The following ZMIZ1 variants were observed in gnomAD, a reference collection of about 807,000 sequenced individuals.
ZMIZ1 encodes zinc finger MIZ-type containing 1, also known as zinc finger MIZ domain-containing protein 1.
ZMIZ1 carries 17 observed loss-of-function variants against 113.9 expected under a neutral mutation model. That is an observed-to-expected ratio of 0.15 (90% CI 0.10 to 0.22). The LOEUF is 0.22. Among genes scored for constraint, ZMIZ1 ranks in the 10% least tolerant of loss-of-function variants. The pLI, the probability that ZMIZ1 is intolerant of heterozygous loss-of-function variation, is 1.00. For missense variants in ZMIZ1, 1,059 were observed against 1,477.8 expected (o/e 0.72, Z 4.65); for synonymous variants, 607 against 603.1 (o/e 1.01, Z -0.09).
chr10:79,112,680 C>T (rs1045833987), intron 1 of ZMIZ1, among the ~76,000 whole-genome samples: 11 of 152,278 alleles, frequency 7.2e-5, no homozygotes, highest in African/African-American at 1.9e-4. Flanking sequence ...GCTGATTGCA[C>T]ATATATCCCA....
chr10:79,278,967 G>T (rs892109522), intron 8 of ZMIZ1, among the ~76,000 whole-genome samples: 1 of 152,264 alleles, frequency 6.6e-6, no homozygotes, highest in South Asian at 2.1e-4. Context: ...CTCCCAGACA[G>T]GGTGGTGGCG....
At chr10:79,172,644 G>T (rs969089685) in intron 4 of ZMIZ1, among the ~76,000 whole-genome samples, 1 of 152,136 alleles carries the variant, frequency 6.6e-6, no homozygotes, top group African/African-American at 2.4e-5. Context: ...CTGGCCTTTG[G>T]TTGGCCTCTC....
rs534513543 is a variant in ZMIZ1, at chr10:79,189,838, T to C, written c.-49-11746T>C. Among the ~76,000 whole-genome samples, 8 of 152,284 alleles carry C rather than the reference T, an allele frequency of 5.3e-5. No homozygotes were observed. In the East Asian group the frequency reaches 1.5e-3, roughly 29 times the overall value. ...GCGTGTTTTCGGATTGCCTGTGGGGTGTCCAGCGTGTGCTTGGAGGGTTTC... is the reference window on the plus strand; with the variant it reads ...GCGTGTTTTCGGATTGCCTGTGGGGCGTCCAGCGTGTGCTTGGAGGGTTTC... On this transcript the variant is annotated intron_variant, in intron 4 of 24. Coordinates refer to ENST00000334512, the MANE Select transcript of ZMIZ1 (RefSeq NM_020338.4).
At chr10:79,153,525 T>C (rs566426470) in intron 3 of ZMIZ1, among the ~76,000 whole-genome samples, 6 of 152,354 alleles carry the variant, frequency 3.9e-5, no homozygotes, top group African/African-American at 1.4e-4. Flanking sequence ...TCATCCCCTT[T>C]CTTCCCTGGC....
intron 20 of ZMIZ1, 83 bp from the exon 21 acceptor site, chr10:79,305,450 C>T (rs1004690344): frequency 1.4e-6 from 2 of 1,474,672 alleles, no homozygotes; most frequent in Admixed American, 3.3e-5. Flanking sequence ...GGGTGGGACC[C>T]CACTGACACT....
intron 1 of ZMIZ1, among the ~76,000 whole-genome samples, chr10:79,111,434 G>A (rs1843733360): frequency 6.6e-6 from 1 of 152,224 alleles, no homozygotes; most frequent in Admixed American, 6.5e-5. Flanking sequence ...GGGGAAAGGT[G>A]TACCCTCTCC....
At chr10:79,290,882 CCCT>C in intron 9 of ZMIZ1, 74 bp from the exon 10 acceptor site, 1 of 1,536,712 alleles carries the variant, frequency 6.5e-7, no homozygotes, top group Non-Finnish European at 9.0e-7. Context: ...TCTCCCTTTC[CCCT>C]CTTCATTTAT....
chr10:79,173,544 A>G (rs917372230), intron 4 of ZMIZ1, among the ~76,000 whole-genome samples: 5 of 152,090 alleles, frequency 3.3e-5, no homozygotes, highest in Non-Finnish European at 7.4e-5. Context: ...CAGGAGTGTA[A>G]TGAGGAAGAA....
chr10:79,185,007 A>T (rs1462079482), intron 4 of ZMIZ1, among the ~76,000 whole-genome samples: 1 of 152,144 alleles, frequency 6.6e-6, no homozygotes, highest in East Asian at 1.9e-4. Flanking sequence ...GGCAGGAGAG[A>T]CGGGGACCAG....
At chr10:79,234,101 C>T (rs1296830297) in intron 7 of ZMIZ1, among the ~76,000 whole-genome samples, 1 of 152,192 alleles carries the variant, frequency 6.6e-6, no homozygotes, top group Admixed American at 6.5e-5. Context: ...CTTGACACCC[C>T]TGGGGAGCGA....
rs939427021 is a variant in ZMIZ1 at position 79,096,608 on chromosome 10, G to A, written c.-336-22307G>A. On this transcript the variant is annotated intron_variant, in intron 1 of 24. Transcript: ENST00000334512. ...GGGAAGGGCTCTGAAACCATTGGCC[G>A]TTTTCTTGAGTGCTTCTTGACCCGA... is the stretch of plus-strand genomic sequence containing the variant. Among the ~76,000 whole-genome samples, 6 of 152,292 alleles carry A rather than the reference G, an allele frequency of 3.9e-5. No homozygotes were observed. The East Asian group carries it at 7.7e-4, about 20-fold the overall frequency.
rs201518818 is a variant in ZMIZ1 at position 79,297,676 on chromosome 10, G to A, written c.1477G>A (p.Gly493Arg). The A allele has an allele frequency of 6.6e-5, 107 of 1,613,928 alleles. No individual in the cohort carries two copies. The highest frequency in any genetic ancestry group is 8.5e-5 in the Non-Finnish European group (100 of 1,179,940). The change falls in exon 14 of 25, where the codon GGG becomes AGG. Residue 493 changes from glycine (G) to arginine (R), a missense_variant. Coordinates refer to ENST00000334512, the MANE Select transcript of ZMIZ1 (RefSeq NM_020338.4). The part of the protein sequence containing the change: ...SGSSYSNYSQ[G>R]NVNRPPRPVP... ...AAGCAGCTACAGTAACTACAGCCAA[G>A]GGAATGTCAACAGGGTATGTTCCAA...
Position 79,069,416 on chromosome 10 carries a change from CG to C in ZMIZ1, c.-337+149del, listed in dbSNP as rs566136492. 1.3e-4 allele frequency: 19 copies of C among 150,868 alleles called. No homozygotes were observed. The East Asian group carries it at 3.7e-3, about 29-fold the overall frequency. 9.3% of individuals were successfully genotyped at this position (150,868 alleles called of 1,614,324 possible). On this transcript the variant is annotated intron_variant, in intron 1 of 24. Transcript: ENST00000334512. This position sits in a 1 kb window ranked among gnomAD's most constrained non-coding sequence, Gnocchi z 4.6. ...GGAGCGGGGCGACCGGCCGGCGGCG[CG>C]GGCTCCGCTCCGCTCTCCTTGGCGG...
At chr10:79,204,702 GGA>G (rs1401076591) in intron 5 of ZMIZ1, among the ~76,000 whole-genome samples, 1 of 152,238 alleles carries the variant, frequency 6.6e-6, no homozygotes, top group Non-Finnish European at 1.5e-5. Flanking sequence ...GGTGGGCTGA[GGA>G]GAGGGGTGGA....
intron 7 of ZMIZ1, among the ~76,000 whole-genome samples, chr10:79,234,826 C>G (rs1589457609): frequency 6.6e-6 from 1 of 152,296 alleles, no homozygotes; most frequent in South Asian, 2.1e-4. Context: ...TTGGAGCCTA[C>G]CCAGCCAGAC....
At chr10:79,310,851 C>T (rs1254721789) in intron 23 of ZMIZ1, 73 bp from the exon 24 acceptor site, 7 of 1,504,374 alleles carry the variant, frequency 4.7e-6, no homozygotes, top group Admixed American at 2.0e-5. Flanking sequence ...TGTTGGGTTT[C>T]ATTTTCTCCA....
intron 1 of ZMIZ1, among the ~76,000 whole-genome samples, chr10:79,103,286 G>A (rs1410140321): frequency 1.3e-5 from 2 of 151,944 alleles, no homozygotes; most frequent in African/African-American, 2.4e-5. Context: ...CGAGGGCCGT[G>A]GGGATGCCTG....
intron 7 of ZMIZ1, among the ~76,000 whole-genome samples, chr10:79,223,009 G>A (rs1401484200): frequency 6.6e-6 from 1 of 152,228 alleles, no homozygotes; most frequent in African/African-American, 2.4e-5. Context: ...CTCAGACCCC[G>A]TGGTGGTGGG....
At chr10:79,082,905 C>T (rs1218974585) in intron 1 of ZMIZ1, among the ~76,000 whole-genome samples, 1 of 152,170 alleles carries the variant, frequency 6.6e-6, no homozygotes, top group Non-Finnish European at 1.5e-5. Flanking sequence ...GTCCCCAGCA[C>T]TCTGGCCCTG....
Sources: gnomAD v4.1 joint callset for allele counts (sites outside exome capture counted in the v4.1 genomes callset) on GRCh38, gnomAD v4.1.1 for gene constraint, Gnocchi (gnomAD v3.1) non-coding constraint, MANE v1.5 for transcripts, NCBI Gene and HGNC (gene_info 2026-07-23, HGNC 2026-07-21) for gene names.